Variants in PHACTR1 observed in about 807,000 individuals in gnomAD.
PHACTR1 encodes the protein phosphatase and actin regulator 1, also known as RPEL repeat containing 1.
Under a neutral mutation model 69.2 loss-of-function variants are expected in PHACTR1, and 16 were observed. The observed-to-expected ratio is 0.23, with a 90% CI of 0.16 to 0.35. The LOEUF is 0.35. Ranked by LOEUF, PHACTR1 falls within the 10% of genes least tolerant of loss-of-function variation. The pLI is 1.00. For missense variants in PHACTR1, 510 were observed against 734.7 expected, an observed-to-expected ratio of 0.69 and a Z score of 3.54; for synonymous variants, 312 against 284.5, an observed-to-expected ratio of 1.10 and a Z score of -0.97.
Position 13,272,783 on chromosome 6 carries a change from C to G in PHACTR1, c.1392-77C>G, listed in dbSNP as rs764595965. ...TCCAGCCACTGACTGTCTCATGTATCTGCAAGGGCCGAGGAAATTAATGAC... is the reference window on the plus strand; with the variant it reads ...TCCAGCCACTGACTGTCTCATGTATGTGCAAGGGCCGAGGAAATTAATGAC... On this transcript the variant is annotated intron_variant, in intron 10 of 14. Transcript: ENST00000332995. 3.7e-6 allele frequency: 6 copies of G among 1,613,792 alleles called. No homozygotes were observed. The Admixed American group carries it at 1.0e-4, about 27-fold the overall frequency.
At chr6:12,752,255 C>T (rs189446944) in intron 4 of PHACTR1, among the ~76,000 whole-genome samples, 1 of 152,298 alleles carries the variant, frequency 6.6e-6, no homozygotes, top group African/African-American at 2.4e-5. Context: ...AAGCAAACAG[C>T]CTTGTTTATC....
At chr6:13,184,642 G>A (rs1762600469) in intron 7 of PHACTR1, among the ~76,000 whole-genome samples, 1 of 152,004 alleles carries the variant, frequency 6.6e-6, no homozygotes. Context: ...CTGGATTTCT[G>A]GCCTCCTCGC....
chr6:13,004,193 C>T (rs990802260), intron 4 of PHACTR1, among the ~76,000 whole-genome samples: 3 of 151,460 alleles, frequency 2.0e-5, no homozygotes, highest in African/African-American at 7.3e-5. Flanking sequence ...AAGACAACTC[C>T]ATCTGTTTTC....
At chr6:13,015,769 C>T (rs1800090584) in intron 4 of PHACTR1, among the ~76,000 whole-genome samples, 1 of 152,198 alleles carries the variant, frequency 6.6e-6, no homozygotes, top group Non-Finnish European at 1.5e-5. Context: ...TGTATTTTAA[C>T]CTACAGCACA....
intron 4 of PHACTR1, among the ~76,000 whole-genome samples, chr6:12,979,466 G>A (rs1296429410): frequency 2.0e-5 from 3 of 152,302 alleles, no homozygotes; most frequent in African/African-American, 7.2e-5. Flanking sequence ...CCCCTCCTGA[G>A]CTCTGTTTTG....
chr6:13,109,529 A>T (rs1365016518), intron 5 of PHACTR1, among the ~76,000 whole-genome samples: 3 of 152,014 alleles, frequency 2.0e-5, no homozygotes, highest in Non-Finnish European at 4.4e-5. Flanking sequence ...CCTGTATCTA[A>T]TATTTTTTCT....
intron 7 of PHACTR1, among the ~76,000 whole-genome samples, chr6:13,203,545 G>A (rs138822450): frequency 2.9e-4 from 44 of 152,214 alleles, no homozygotes; most frequent in African/African-American, 9.6e-4. Flanking sequence ...CGATTAACAC[G>A]GACATAATAT....
rs766525109 is a variant in PHACTR1, at chr6:12,717,628, C to G, written c.-162C>G. On this transcript the variant is annotated 5_prime_UTR_variant, in exon 2 of 15. In the 5' UTR this introduces an upstream ATG that the reference lacks. Transcript: ENST00000332995. ...ATGCATTATTCATCACTGTTCTAAT[C>G]AAACAATCAAAATCGTTTACTTTCA... is the stretch of plus-strand genomic sequence containing the variant. 3 of 152,148 alleles carry G rather than the reference C, an allele frequency of 2.0e-5. No homozygotes were observed. The highest frequency in any genetic ancestry group is 4.8e-5 in the African/African-American group (2 of 41,438). The allele number at this position is 152,148 out of a possible 1,614,324, so 9.4% of individuals were successfully genotyped here. A position where few individuals can be genotyped will look rare whatever the true frequency, so the allele number is the denominator to read the frequency against.
rs149027489 is a variant in PHACTR1 at position 13,069,103 on chromosome 6, C to T, written c.415+15574C>T. Among the ~76,000 whole-genome samples, 878 of 152,220 alleles carry T rather than the reference C, an allele frequency of 5.8e-3. 7 individuals are homozygous for T. The highest frequency in any genetic ancestry group is 0.02 in the African/African-American group (842 of 41,536). ...CAAACAGAAAAGAAGCGCCAGTTAA[C>T]TTTCAAAAGAAAACAGAAGGGATTG... On this transcript the variant is annotated intron_variant, in intron 5 of 14. Coordinates refer to ENST00000332995, the MANE Select transcript of PHACTR1 (RefSeq NM_030948.6).
intron 4 of PHACTR1, among the ~76,000 whole-genome samples, chr6:12,935,137 A>G (rs2127533874): frequency 6.6e-6 from 1 of 152,358 alleles, no homozygotes; most frequent in African/African-American, 2.4e-5. Flanking sequence ...TGCTATTACT[A>G]TATTCTAAGA....
intron 4 of PHACTR1, among the ~76,000 whole-genome samples, chr6:12,980,169 GA>G (rs1795340436): frequency 6.6e-6 from 1 of 152,186 alleles, no homozygotes; most frequent in Middle Eastern, 3.2e-3. Context: ...ATCTAATAGT[GA>G]AAACTTGTTA....
intron 4 of PHACTR1, among the ~76,000 whole-genome samples, chr6:12,917,032 T>A (rs1477725910): frequency 6.6e-6 from 1 of 152,194 alleles, no homozygotes; most frequent in Non-Finnish European, 1.5e-5. Context: ...ATTACCTTTT[T>A]AAGGTTGGTT....
chr6:12,952,071 T>TA (rs750917470), intron 4 of PHACTR1, among the ~76,000 whole-genome samples: 6 of 152,112 alleles, frequency 3.9e-5, no homozygotes, highest in Non-Finnish European at 7.4e-5. Flanking sequence ...CTTCATATTT[T>TA]AAAAAAACAG....
intron 8 of PHACTR1, among the ~76,000 whole-genome samples, chr6:13,211,951 A>G (rs778168581): frequency 3.3e-5 from 5 of 152,316 alleles, no homozygotes; most frequent in Non-Finnish European, 7.4e-5. Flanking sequence ...CTTAGATGAC[A>G]GAAATTTATT....
intron 5 of PHACTR1, among the ~76,000 whole-genome samples, chr6:13,148,394 A>T (rs1019954154): frequency 6.6e-6 from 1 of 152,116 alleles, no homozygotes; most frequent in African/African-American, 2.4e-5. Context: ...GTAATCCAAG[A>T]CCATTATATG....
chr6:13,142,501 C>T (rs1244879506), intron 5 of PHACTR1, among the ~76,000 whole-genome samples: 1 of 152,206 alleles, frequency 6.6e-6, no homozygotes, highest in Non-Finnish European at 1.5e-5. Flanking sequence ...TGAAGATTTA[C>T]ACCTGTTTCT....
chr6:12,880,322 G>A (rs1366342491), intron 4 of PHACTR1, among the ~76,000 whole-genome samples: 1 of 150,950 alleles, frequency 6.6e-6, no homozygotes, highest in African/African-American at 2.4e-5. Context: ...GACCTTCCTG[G>A]CTCAAACGAT....
intron 4 of PHACTR1, among the ~76,000 whole-genome samples, chr6:12,797,221 C>T (rs917052966): frequency 6.6e-6 from 1 of 152,130 alleles, no homozygotes; most frequent in Non-Finnish European, 1.5e-5. Flanking sequence ...TAGCAGTCCA[C>T]TTGCAAGCAG....
At chr6:13,133,788 G>A (rs11970334) in intron 5 of PHACTR1, among the ~76,000 whole-genome samples, 2 of 151,524 alleles carry the variant, frequency 1.3e-5, no homozygotes, top group Non-Finnish European at 2.9e-5. Flanking sequence ...CCTCTGCCCG[G>A]CCGCCCAGTC....
Sources: allele counts gnomAD v4.1 joint callset (sites outside exome capture counted in the v4.1 genomes callset), GRCh38; gene constraint gnomAD v4.1.1; transcripts MANE v1.5; gene names NCBI Gene and HGNC (gene_info 2026-07-23, HGNC 2026-07-21).